AOX1: variants seen among roughly 807,000 people sequenced by gnomAD.
AOX1 encodes the protein aldehyde oxidase.
A neutral mutation model predicts 169.5 loss-of-function variants in AOX1; 153 were observed. The observed-to-expected ratio is 0.90, with a 90% CI of 0.79 to 1.03. The LOEUF is 1.03. Among genes scored for constraint, AOX1 ranks in the 50% least tolerant of loss-of-function variants. AOX1 has a pLI of 0.00. For missense variants in AOX1, 1,656 were observed against 1,663.9 expected, an observed-to-expected ratio of 1.00 and a Z score of 0.08; for synonymous variants, 562 against 581.9, an observed-to-expected ratio of 0.97 and a Z score of 0.49.
At position 200,586,169 on chromosome 2, in the gene AOX1, C is replaced by T. The variant is rs1387382748; in HGVS notation, c.45+16C>T. The T allele has an allele frequency of 1.3e-6, 2 of 1,552,758 alleles. No homozygotes were observed. Among genetic ancestry groups the T allele is most frequent in the Non-Finnish European group, 1.7e-6 (2 of 1,149,368 alleles). On this transcript the variant is annotated intron_variant, in intron 1 of 34. Coordinates refer to ENST00000374700, the MANE Select transcript of AOX1 (RefSeq NM_001159.4). ...CGGCCGCAAGGTGAGCGCCCGCGGG[C>T]TTCCTCTGCCCCCAGACCTGCGGCC...
intron 16 of AOX1, among the ~76,000 whole-genome samples, chr2:200,618,446 G>T (rs2105718875): frequency 6.6e-6 from 1 of 152,278 alleles, no homozygotes; most frequent in Admixed American, 6.5e-5. Flanking sequence ...GTTAATTGTA[G>T]AAATTACACT....
chr2:200,588,818 T>G (rs1169910316), intron 1 of AOX1, among the ~76,000 whole-genome samples: 2 of 142,526 alleles, frequency 1.4e-5, no homozygotes, highest in African/African-American at 5.2e-5. Context: ...ACCACCACGC[T>G]AATTTTTGTA....
At chr2:200,638,387 T>C in intron 23 of AOX1, 85 bp downstream of exon 23, 1 of 1,156,512 alleles carries the variant, frequency 8.6e-7, no homozygotes, top group Non-Finnish European at 1.3e-6. Context: ...GGCTACTCTC[T>C]AGTGGGGAGT....
intron 19 of AOX1, among the ~76,000 whole-genome samples, chr2:200,626,689 G>A (rs2035012921): frequency 6.6e-6 from 1 of 152,156 alleles, no homozygotes; most frequent in Non-Finnish European, 1.5e-5. Flanking sequence ...GAGGTCCCAG[G>A]TGCTCTACTG....
intron 25 of AOX1, among the ~76,000 whole-genome samples, chr2:200,649,470 C>A (rs528695640): frequency 6.6e-6 from 1 of 152,274 alleles, no homozygotes; most frequent in South Asian, 2.1e-4. Context: ...CTGGGTCCTG[C>A]AGGAGTAGTC....
chr2:200,630,210 TAAAAAAAAAAA>T (rs57410809), intron 20 of AOX1, among the ~76,000 whole-genome samples: 8 of 95,524 alleles, frequency 8.4e-5, no homozygotes, highest in South Asian at 3.2e-4. Context: ...TCCTTCTATT[TAAAAAAAAAAA>T]AAAAAAAAAA....
At chr2:200,679,789 A>C (rs113401546), downstream of AOX1, among the ~76,000 whole-genome samples, 107 of 152,314 alleles carry the variant, frequency 7.0e-4, no homozygotes, top group African/African-American at 2.4e-3. Flanking sequence ...CTATAATAAA[A>C]TAAGAAAAAG....
intron 1 of AOX1, among the ~76,000 whole-genome samples, chr2:200,589,978 G>T (rs183169978): frequency 4.6e-5 from 7 of 152,290 alleles, no homozygotes; most frequent in Admixed American, 4.6e-4. Context: ...GCAACCTAAA[G>T]CTCAGGAAGA....
chr2:200,678,050 T>C (rs1434844697), downstream of AOX1, among the ~76,000 whole-genome samples: 2 of 152,224 alleles, frequency 1.3e-5, no homozygotes, highest in Non-Finnish European at 2.9e-5. Context: ...CTGGCTTTCA[T>C]CTGACTGCTC....
At chr2:200,588,379 G>A (rs2034082723) in intron 1 of AOX1, 1 of 152,270 alleles carries the variant, frequency 6.6e-6, no homozygotes, top group African/African-American at 2.4e-5. Context: ...TGGGTTAAAT[G>A]AAGAAACAGG....
intron 33 of AOX1, 80 bp from the exon 34 acceptor site, chr2:200,669,495 A>G (rs1432159127): frequency 1.4e-6 from 2 of 1,435,014 alleles, no homozygotes; most frequent in South Asian, 1.3e-5. Context: ...ATTTTTATAT[A>G]TGCACATATG....
At chr2:200,622,643 C>T (rs1359466699) in intron 18 of AOX1, among the ~76,000 whole-genome samples, 1 of 152,146 alleles carries the variant, frequency 6.6e-6, no homozygotes, top group Non-Finnish European at 1.5e-5. Context: ...ACAAGTGAAA[C>T]TGATCTTGGC....
intron 20 of AOX1, among the ~76,000 whole-genome samples, chr2:200,632,428 C>T (rs1450242243): frequency 6.6e-6 from 1 of 151,722 alleles, no homozygotes; most frequent in Non-Finnish European, 1.5e-5. Flanking sequence ...CCTCCCTTTA[C>T]ATCCCTCTCC....
In AOX1 at chr2:200,661,642, C is replaced by T; in HGVS notation, c.3428+11C>T. On this transcript the variant is annotated intron_variant, in intron 30 of 34. Coordinates refer to ENST00000374700, the MANE Select transcript of AOX1 (RefSeq NM_001159.4). ...TGTTGGATACTTCAGGTAAATACTC[C>T]CTCTGATCACATGCTATGGAGAAGA... 1 of 1,598,740 alleles carries T rather than the reference C, an allele frequency of 6.3e-7. No homozygotes were observed. The highest frequency in any genetic ancestry group is 1.1e-5 in the South Asian group (1 of 90,824).
At chr2:200,656,585 C>T (rs1177302591) in intron 26 of AOX1, among the ~76,000 whole-genome samples, 1 of 152,060 alleles carries the variant, frequency 6.6e-6, no homozygotes, top group African/African-American at 2.4e-5. Context: ...TTTTCTGGGA[C>T]ATGCCTACAA....
intron 20 of AOX1, among the ~76,000 whole-genome samples, chr2:200,632,887 T>G (rs1309226308): frequency 6.6e-6 from 1 of 151,418 alleles, no homozygotes; most frequent in Admixed American, 6.6e-5. Flanking sequence ...TGCTTTTTTT[T>G]TTCTTTCTTT....
intron 23 of AOX1, among the ~76,000 whole-genome samples, chr2:200,638,984 A>G (rs1450764094): frequency 6.6e-6 from 1 of 152,214 alleles, no homozygotes; most frequent in East Asian, 1.9e-4. Context: ...GTTTCCATTT[A>G]TTGGTGCCAC....
intron 5 of AOX1, among the ~76,000 whole-genome samples, chr2:200,600,160 A>G (rs1376217037): frequency 6.6e-6 from 1 of 152,236 alleles, no homozygotes; most frequent in Non-Finnish European, 1.5e-5. Flanking sequence ...TGTTCAAATC[A>G]GGATTCAAAC....
At chr2:200,652,572 G>C (rs2035600329) in intron 26 of AOX1, among the ~76,000 whole-genome samples, 1 of 152,208 alleles carries the variant, frequency 6.6e-6, no homozygotes, top group African/African-American at 2.4e-5. Context: ...GGGGCTGTCT[G>C]TCCTTGTGCA....
Sources: gnomAD v4.1 joint callset for allele counts (sites outside exome capture counted in the v4.1 genomes callset) on GRCh38, gnomAD v4.1.1 for gene constraint, MANE v1.5 for transcripts, NCBI Gene and HGNC (gene_info 2026-07-23, HGNC 2026-07-21) for gene names.